The following CWC27 variants were observed in gnomAD, a reference collection of about 807,000 sequenced individuals.
CWC27 encodes the protein CWC27 spliceosome associated cyclophilin.
A neutral mutation model predicts 63.6 loss-of-function variants in CWC27; 47 were observed. The observed-to-expected ratio is 0.74, with a 90% confidence interval of 0.58 to 0.94. CWC27 has a LOEUF of 0.94. Among genes scored for constraint, CWC27 ranks in the 40% least tolerant of loss-of-function variants. CWC27 has a pLI of 0.00. For synonymous variants in CWC27, 175 were observed against 179.8 expected (o/e 0.97, Z 0.22); for missense variants, 495 against 554.3 (o/e 0.89, Z 1.07).
At chr5:64,921,634 G>A (rs1385768222) in intron 11 of CWC27, among the ~76,000 whole-genome samples, 2 of 152,286 alleles carry the variant, frequency 1.3e-5, no homozygotes, top group East Asian at 1.9e-4. Flanking sequence ...TGCCTTTTGA[G>A]TGAGGCATTT....
chr5:64,923,733 A>G lies in CWC27; in HGVS notation c.1042+38187A>G, dbSNP rs547688220. ...ACTTCCGTGAGGTCACTTCTTTACA[A>G]ATATTTCCCAATTTCATTTTTCTAA... On this transcript the variant is annotated intron_variant, in intron 11 of 13. Coordinates refer to ENST00000381070, the MANE Select transcript of CWC27 (RefSeq NM_005869.4). 2.0e-5 allele frequency among the ~76,000 whole-genome samples: 3 copies of G among 149,918 alleles called. No homozygotes were observed. In the South Asian group the frequency reaches 6.5e-4, roughly 33 times the overall value.
intron 11 of CWC27, among the ~76,000 whole-genome samples, chr5:64,937,089 C>G (rs1748370520): frequency 6.6e-6 from 1 of 152,020 alleles, no homozygotes; most frequent in Admixed American, 6.6e-5. Flanking sequence ...TTTTGTGTCT[C>G]TATCTCTTTC....
chr5:64,964,782 G>C (rs1366086644), intron 11 of CWC27, among the ~76,000 whole-genome samples: 1 of 152,128 alleles, frequency 6.6e-6, no homozygotes, highest in Non-Finnish European at 1.5e-5. Flanking sequence ...TATCTACCCT[G>C]ACCTAATATC....
At chr5:64,947,567 G>A (rs1174042273) in intron 11 of CWC27, among the ~76,000 whole-genome samples, 1 of 152,088 alleles carries the variant, frequency 6.6e-6, no homozygotes, top group Non-Finnish European at 1.5e-5. Context: ...AATATAAGCA[G>A]TATGTCCACA....
At chr5:64,838,315 A>G (rs1387896818) in intron 10 of CWC27, among the ~76,000 whole-genome samples, 1 of 152,170 alleles carries the variant, frequency 6.6e-6, no homozygotes, top group African/African-American at 2.4e-5. Context: ...GATGCAATAT[A>G]TCAGCATAAT....
chr5:64,885,546 G>A lies in CWC27; in HGVS notation c.1042G>A (p.Glu348Lys), dbSNP rs775170127. 6 of 1,591,912 alleles carry A rather than the reference G, an allele frequency of 3.8e-6. No individual in the cohort carries two copies. The highest frequency in any genetic ancestry group is 4.3e-6 in the Non-Finnish European group (5 of 1,167,528). ...AAAACAAGCAGAAAAAAGAAGTGAA[G>A]GTAAGGGCATTTATCACGCTTATTT... Reference protein sequence around the residue: ...AAKQAEKRSEEEEAPPDGAVA... With the variant: ...AAKQAEKRSEKEEAPPDGAVA... The change falls in exon 11 of 14, where the codon GAG becomes AAG. Residue 348 changes from glutamate (E) to lysine (K), a missense_variant and splice_region_variant. Transcript: ENST00000381070.
chr5:64,868,351 C>T (rs1271827262), intron 10 of CWC27, among the ~76,000 whole-genome samples: 2 of 152,008 alleles, frequency 1.3e-5, no homozygotes, highest in Admixed American at 6.6e-5. Flanking sequence ...CTAGTCGCCT[C>T]TTAAGTTTTT....
intron 10 of CWC27, among the ~76,000 whole-genome samples, chr5:64,816,350 G>A (rs962898308): frequency 3.3e-5 from 5 of 152,196 alleles, no homozygotes; most frequent in African/African-American, 1.2e-4. Flanking sequence ...CAGAATGCCA[G>A]TGTTTAACTG....
intron 2 of CWC27, among the ~76,000 whole-genome samples, chr5:64,777,392 G>A (rs1281315029): frequency 6.6e-6 from 1 of 152,058 alleles, no homozygotes; most frequent in Non-Finnish European, 1.5e-5. Flanking sequence ...CGCAAGATGA[G>A]TGTTAGATAA....
intron 13 of CWC27, among the ~76,000 whole-genome samples, chr5:64,978,938 A>T (rs1403084694): frequency 6.6e-6 from 1 of 152,166 alleles, no homozygotes; most frequent in African/African-American, 2.4e-5. Context: ...AACCCACAGG[A>T]TTCAAATTTA....
intron 10 of CWC27, chr5:64,808,410 A>G (rs1282226495): frequency 1.1e-6 from 1 of 894,946 alleles, no homozygotes; most frequent in Non-Finnish European, 1.3e-6. Context: ...TTACATATAC[A>G]TTTTTTCTTC....
chr5:64,955,739 A>G (rs1304644513), intron 11 of CWC27, among the ~76,000 whole-genome samples: 1 of 152,170 alleles, frequency 6.6e-6, no homozygotes, highest in Non-Finnish European at 1.5e-5. Context: ...AAAATGAAAA[A>G]AAAAGTCAAG....
intron 10 of CWC27, among the ~76,000 whole-genome samples, chr5:64,853,894 C>G (rs1746195143): frequency 6.6e-6 from 1 of 152,216 alleles, no homozygotes; most frequent in African/African-American, 2.4e-5. Context: ...GGTATATTCA[C>G]ATTGTTGTGC....
At chr5:65,011,350 A>G (rs1362191159) in intron 13 of CWC27, among the ~76,000 whole-genome samples, 1 of 152,230 alleles carries the variant, frequency 6.6e-6, no homozygotes. Context: ...CTGCAAGACC[A>G]GAAGAGGGTC....
chr5:64,926,503 A>T (rs1479058063), intron 11 of CWC27, among the ~76,000 whole-genome samples: 1 of 151,984 alleles, frequency 6.6e-6, no homozygotes, highest in African/African-American at 2.4e-5. Context: ...AATGCTTACT[A>T]TATTATATTC....
At chr5:65,004,929 CA>C in intron 13 of CWC27, among the ~76,000 whole-genome samples, 3 of 141,390 alleles carry the variant, frequency 2.1e-5, no homozygotes, top group African/African-American at 7.8e-5. Flanking sequence ...CACACACACA[CA>C]CACACTGTTG....
intron 10 of CWC27, among the ~76,000 whole-genome samples, chr5:64,829,884 A>C (rs1182375748): frequency 6.6e-6 from 1 of 151,496 alleles, no homozygotes; most frequent in Non-Finnish European, 1.5e-5. Flanking sequence ...AAAAGTGAGA[A>C]CATGCTGTGT....
chr5:64,955,969 A>G (rs1258887662), intron 11 of CWC27, among the ~76,000 whole-genome samples: 1 of 152,092 alleles, frequency 6.6e-6, no homozygotes, highest in East Asian at 1.9e-4. Context: ...TCACTAAACT[A>G]CTAAGGAATG....
chr5:64,979,974 AAAAAAAAAAAAG>A (rs960872305), intron 13 of CWC27, among the ~76,000 whole-genome samples: 1 of 151,976 alleles, frequency 6.6e-6, no homozygotes, highest in Middle Eastern at 3.4e-3. Context: ...GTAAAAAAAA[AAAAAAAAAAAAG>A]AGAGAGGGAG....
Sources: gnomAD v4.1 joint callset for allele counts (sites outside exome capture counted in the v4.1 genomes callset) on GRCh38, gnomAD v4.1.1 for gene constraint, MANE v1.5 for transcripts, NCBI Gene and HGNC (gene_info 2026-07-23, HGNC 2026-07-21) for gene names.